Variants in STXBP5L observed in about 807,000 individuals in gnomAD.
STXBP5L encodes syntaxin-binding protein 5-like.
Under a neutral mutation model 144.5 loss-of-function variants are expected in STXBP5L, and 65 were observed. The observed-to-expected ratio is 0.45, with a 90% CI of 0.37 to 0.55. STXBP5L has a LOEUF of 0.55. Ranked by LOEUF, STXBP5L falls within the 20% of genes least tolerant of loss-of-function variation. The probability of loss-of-function intolerance (pLI) is 0.00; values close to 1 mark genes in which losing one functional copy is unlikely to be tolerated. For missense variants in STXBP5L, 1,298 were observed against 1,405.5 expected (o/e 0.92, Z 1.22); for synonymous variants, 505 against 469.6 (o/e 1.08, Z -0.97).
chr3:121,395,322 G>C (rs894381414), intron 22 of STXBP5L, among the ~76,000 whole-genome samples: 1 of 152,126 alleles, frequency 6.6e-6, no homozygotes, highest in African/African-American at 2.4e-5. Flanking sequence ...ATCTTGGACT[G>C]TGGAAATATA....
At chr3:121,089,812 A>C (rs989788472) in intron 5 of STXBP5L, among the ~76,000 whole-genome samples, 2 of 151,944 alleles carry the variant, frequency 1.3e-5, no homozygotes, top group African/African-American at 2.4e-5. Flanking sequence ...ATATTATTAC[A>C]TCCTCTAGGC....
intron 15 of STXBP5L, 94 bp downstream of exon 15, chr3:121,250,857 A>G (rs2050005753): frequency 9.1e-7 from 1 of 1,098,626 alleles, no homozygotes; most frequent in Non-Finnish European, 1.3e-6. Context: ...AAAATTTCAG[A>G]TATATTTTTA....
intron 22 of STXBP5L, among the ~76,000 whole-genome samples, chr3:121,382,266 G>T (rs1189230668): frequency 6.6e-6 from 1 of 151,806 alleles, no homozygotes; most frequent in Admixed American, 6.6e-5. Flanking sequence ...ATTTTAAAAG[G>T]ATATATATTA....
chr3:120,946,242 A>C (rs1222994327), intron 2 of STXBP5L, among the ~76,000 whole-genome samples: 1 of 149,556 alleles, frequency 6.7e-6, no homozygotes, highest in African/African-American at 2.5e-5. Context: ...AATATGTCCA[A>C]TCAAAAGCAA....
In STXBP5L at chr3:121,048,878, G is replaced by A. The variant is rs559024390; in HGVS notation, c.470+3343G>A. Among the ~76,000 whole-genome samples the A allele has an allele frequency of 1.8e-4, 27 of 152,198 alleles. 1 individual carries two copies. The highest frequency in any genetic ancestry group is 6.8e-3 in the Middle Eastern group (2 of 294). On this transcript the variant is annotated intron_variant, in intron 5 of 26. Coordinates refer to ENST00000471454, the MANE Select transcript of STXBP5L (RefSeq NM_001308330.2). ...CACTGCCCAGTGAAGAGTAGTGGAGGCATGTGGACAAGTCTGGCTGCTTTT... is the reference window on the plus strand; with the variant it reads ...CACTGCCCAGTGAAGAGTAGTGGAGACATGTGGACAAGTCTGGCTGCTTTT...
chr3:120,954,560 G>T (rs960246020), intron 2 of STXBP5L, among the ~76,000 whole-genome samples: 1 of 151,738 alleles, frequency 6.6e-6, no homozygotes, highest in African/African-American at 2.4e-5. Context: ...TAATTCTTTT[G>T]TTGGACACCT....
chr3:121,347,712 T>C (rs1183798147), intron 20 of STXBP5L, among the ~76,000 whole-genome samples: 1 of 152,206 alleles, frequency 6.6e-6, no homozygotes, highest in Admixed American at 6.5e-5. Flanking sequence ...TTATTCTCTT[T>C]GAAGCAATTG....
At chr3:121,351,008 A>G (rs903305407) in intron 20 of STXBP5L, among the ~76,000 whole-genome samples, 1 of 152,098 alleles carries the variant, frequency 6.6e-6, no homozygotes, top group Non-Finnish European at 1.5e-5. Flanking sequence ...GTGAGGAGCT[A>G]CGTTCCTTTG....
intron 6 of STXBP5L, among the ~76,000 whole-genome samples, chr3:121,116,914 A>G (rs1026385382): frequency 3.3e-5 from 5 of 152,010 alleles, no homozygotes; most frequent in South Asian, 4.1e-4. Flanking sequence ...ATTCAATATT[A>G]GTGAAAATAT....
At chr3:121,067,221 G>A (rs1157170165) in intron 5 of STXBP5L, among the ~76,000 whole-genome samples, 1 of 151,858 alleles carries the variant, frequency 6.6e-6, no homozygotes, top group Non-Finnish European at 1.5e-5. Flanking sequence ...AGATTAATGA[G>A]ATGGAACCTT....
chr3:120,993,511 A>G (rs972455395), intron 3 of STXBP5L, among the ~76,000 whole-genome samples: 2 of 152,004 alleles, frequency 1.3e-5, no homozygotes, highest in Non-Finnish European at 2.9e-5. Context: ...GTCTAGTTTC[A>G]TTGTTCTACA....
chr3:121,270,770 C>CAAGGTTAAA (rs2050713054), intron 18 of STXBP5L, among the ~76,000 whole-genome samples: 1 of 147,446 alleles, frequency 6.8e-6, no homozygotes, highest in Admixed American at 6.8e-5. Flanking sequence ...TATTTTTTAA[C>CAAGGTTAAA]CTTCATATTT....
chr3:121,220,276 T>G (rs775445648), intron 10 of STXBP5L, among the ~76,000 whole-genome samples: 1 of 152,254 alleles, frequency 6.6e-6, no homozygotes, highest in South Asian at 2.1e-4. Flanking sequence ...GCCTTTGAGA[T>G]TCATCCAAGT....
intron 9 of STXBP5L, among the ~76,000 whole-genome samples, chr3:121,205,403 C>T (rs1204506061): frequency 6.6e-6 from 1 of 152,182 alleles, no homozygotes; most frequent in Admixed American, 6.5e-5. Flanking sequence ...CCAACCCACT[C>T]TCACAATAAC....
intron 19 of STXBP5L, among the ~76,000 whole-genome samples, chr3:121,289,086 C>T (rs944106750): frequency 1.3e-5 from 2 of 152,110 alleles, no homozygotes; most frequent in Non-Finnish European, 2.9e-5. Flanking sequence ...GTTCACCAGC[C>T]AAGTATCTGT....
intron 7 of STXBP5L, among the ~76,000 whole-genome samples, chr3:121,146,723 A>G (rs1193291718): frequency 1.3e-5 from 2 of 152,100 alleles, no homozygotes; most frequent in Non-Finnish European, 2.9e-5. Context: ...ACTTTAAGGC[A>G]AAAACTTTTT....
intron 3 of STXBP5L, among the ~76,000 whole-genome samples, chr3:121,026,884 A>G (rs2107485807): frequency 6.6e-6 from 1 of 151,902 alleles, no homozygotes; most frequent in Admixed American, 6.6e-5. Flanking sequence ...TCTAGGTTGC[A>G]CTACAAAAAG....
intron 22 of STXBP5L, 107 bp downstream of exon 22, chr3:121,381,639 T>C: frequency 7.1e-7 from 1 of 1,405,934 alleles, no homozygotes; most frequent in South Asian, 1.4e-5. Flanking sequence ...TTATAAGTAT[T>C]CTGCACAATG....
intron 3 of STXBP5L, among the ~76,000 whole-genome samples, chr3:121,032,498 G>A (rs1946442780): frequency 6.6e-6 from 1 of 151,680 alleles, no homozygotes. Context: ...TACCATTCAG[G>A]ACATAGGCAC....
Sources: allele counts gnomAD v4.1 joint callset (sites outside exome capture counted in the v4.1 genomes callset), GRCh38; gene constraint gnomAD v4.1.1; transcripts MANE v1.5; gene names NCBI Gene and HGNC (gene_info 2026-07-23, HGNC 2026-07-21).